Variants in CCDC171 observed in about 807,000 individuals in gnomAD.
The protein encoded by CCDC171 is coiled-coil domain-containing protein 171.
CCDC171 carries 177 observed loss-of-function variants against 168.2 expected under a neutral mutation model. The observed-to-expected ratio is 1.05, with a 90% CI of 0.93 to 1.19. The LOEUF (loss-of-function observed/expected upper bound fraction) is 1.19, where lower values mean the gene tolerates loss of function less well. CCDC171 is among the 50% of genes most tolerant of loss of function. CCDC171 has a pLI of 0.00. For missense variants in CCDC171, 1,991 were observed against 1,539.0 expected (o/e 1.29, Z -4.91); for synonymous variants, 687 against 540.8 (o/e 1.27, Z -3.75).
intron 21 of CCDC171, among the ~76,000 whole-genome samples, chr9:15,827,057 G>A (rs2060042338): frequency 1.3e-5 from 2 of 152,242 alleles, no homozygotes; most frequent in Admixed American, 1.3e-4. Flanking sequence ...AGGATGGATG[G>A]GCTATGAGCT....
intron 4 of CCDC171, among the ~76,000 whole-genome samples, chr9:15,586,570 C>T (rs1006912205): frequency 1.3e-5 from 2 of 152,098 alleles, no homozygotes; most frequent in Non-Finnish European, 2.9e-5. Context: ...ATGGGAGTAG[C>T]AGTAGTGAGT....
chr9:15,951,683 T>C lies in CCDC171; in HGVS notation c.3754-19926T>C, dbSNP rs73411555. On this transcript the variant is annotated intron_variant, in intron 25 of 25. Transcript: ENST00000380701. Reference sequence around the variant, plus strand: ...TGTTTGTTTTTTGGAGAATGTTGATTTAAGTCCTTTGCCCATTTTTTAAAT... The same window carrying C: ...TGTTTGTTTTTTGGAGAATGTTGATCTAAGTCCTTTGCCCATTTTTTAAAT... Among the ~76,000 whole-genome samples the C allele has an allele frequency of 5.2e-3, 798 of 152,268 alleles. 8 individuals are homozygous for C. The highest frequency in any genetic ancestry group is 0.018 in the African/African-American group (757 of 41,560).
At chr9:15,638,717 C>T (rs972571713) in intron 7 of CCDC171, among the ~76,000 whole-genome samples, 1 of 151,412 alleles carries the variant, frequency 6.6e-6, no homozygotes, top group South Asian at 2.1e-4. Context: ...AGCTTTATAT[C>T]ACTGTGTCTT....
chr9:16,031,049 G>A (rs1187819518), intron 6 of CCDC171, among the ~76,000 whole-genome samples: 1 of 152,202 alleles, frequency 6.6e-6, no homozygotes, highest in Non-Finnish European at 1.5e-5. Flanking sequence ...AAATCACTTA[G>A]AGACCTCACC....
chr9:15,702,500 T>G (rs1288203804), intron 11 of CCDC171, among the ~76,000 whole-genome samples: 1 of 152,060 alleles, frequency 6.6e-6, no homozygotes, highest in Non-Finnish European at 1.5e-5. Context: ...GCCCTAGGAT[T>G]TTTTCAATGG....
chr9:15,591,013 CT>C (rs1436958739), intron 4 of CCDC171, among the ~76,000 whole-genome samples: 2 of 152,008 alleles, frequency 1.3e-5, no homozygotes, highest in Non-Finnish European at 2.9e-5. Flanking sequence ...CCACACTCAG[CT>C]GGTTTGTTTT....
chr9:15,663,003 A>ACAACAACAACAACAACAT (rs1398558548), intron 8 of CCDC171, among the ~76,000 whole-genome samples: 2 of 152,026 alleles, frequency 1.3e-5, no homozygotes, highest in African/African-American at 4.8e-5. Context: ...AACAACAACA[A>ACAACAACAACAACAACAT]CAACAACAAC....
At chr9:15,932,274 C>T (rs899558054) in intron 25 of CCDC171, among the ~76,000 whole-genome samples, 10 of 151,750 alleles carry the variant, frequency 6.6e-5, no homozygotes, top group Admixed American at 2.0e-4. Context: ...TTTGTATCCT[C>T]TTCACTTTAT....
chr9:16,032,114 C>G (rs894652970), intron 6 of CCDC171, among the ~76,000 whole-genome samples: 2 of 152,144 alleles, frequency 1.3e-5, no homozygotes, highest in African/African-American at 4.8e-5. Flanking sequence ...TCAACCCACC[C>G]AAGTCCAAAC....
chr9:15,712,135 G>T (rs2052716859), intron 11 of CCDC171, among the ~76,000 whole-genome samples: 1 of 152,216 alleles, frequency 6.6e-6, no homozygotes, highest in Non-Finnish European at 1.5e-5. Context: ...TTCTTACTCA[G>T]GGTTTTATTC....
intron 6 of CCDC171, among the ~76,000 whole-genome samples, chr9:16,032,324 G>GA (rs1833376825): frequency 1.3e-5 from 2 of 152,024 alleles, no homozygotes; most frequent in Non-Finnish European, 1.5e-5. Flanking sequence ...ACACCTGAGG[G>GA]GAAAAAAAGA....
At chr9:15,631,054 C>A (rs1358902170) in intron 7 of CCDC171, among the ~76,000 whole-genome samples, 4 of 151,768 alleles carry the variant, frequency 2.6e-5, no homozygotes, top group African/African-American at 9.7e-5. Context: ...CACTAAATGC[C>A]CACAAGAGAA....
At chr9:15,993,093 A>T (rs528373253) in intron 3 of CCDC171, among the ~76,000 whole-genome samples, 1 of 152,246 alleles carries the variant, frequency 6.6e-6, no homozygotes, top group Admixed American at 6.5e-5. Context: ...GGAAAAAACT[A>T]CTTTAAAGTT....
intron 1 of CCDC171, among the ~76,000 whole-genome samples, chr9:16,057,439 T>A (rs890260272): frequency 6.6e-6 from 1 of 152,184 alleles, no homozygotes; most frequent in African/African-American, 2.4e-5. Flanking sequence ...AGGAAGTTTT[T>A]TTTGTTTGTT....
At chr9:15,729,953 A>G (rs915106967) in intron 16 of CCDC171, among the ~76,000 whole-genome samples, 155 bp downstream of exon 16, 2 of 152,046 alleles carry the variant, frequency 1.3e-5, no homozygotes, top group African/African-American at 4.8e-5. Context: ...AGATACACAC[A>G]CATACGTGTG....
chr9:16,033,072 G>A (rs1195733094), intron 6 of CCDC171, among the ~76,000 whole-genome samples: 1 of 152,166 alleles, frequency 6.6e-6, no homozygotes, highest in Non-Finnish European at 1.5e-5. Context: ...TCCTGGAAGA[G>A]GACTGAGGGA....
intron 24 of CCDC171, among the ~76,000 whole-genome samples, chr9:15,893,371 T>C (rs1416346991): frequency 1.3e-5 from 2 of 152,180 alleles, no homozygotes; most frequent in Non-Finnish European, 2.9e-5. Context: ...GACGTAGGCA[T>C]GGGTACAGAT....
At chr9:15,776,691 C>T (rs1279787699) in intron 18 of CCDC171, among the ~76,000 whole-genome samples, 1 of 152,020 alleles carries the variant, frequency 6.6e-6, no homozygotes, top group Non-Finnish European at 1.5e-5. Flanking sequence ...GGTTGATTAC[C>T]GTCTCAGTCA....
chr9:16,000,371 T>C (rs1297218780), intron 3 of CCDC171, among the ~76,000 whole-genome samples: 3 of 152,196 alleles, frequency 2.0e-5, no homozygotes, highest in Non-Finnish European at 4.4e-5. Flanking sequence ...GCAATGTGTG[T>C]CTCTTGAACT....
Sources: gnomAD v4.1 joint callset for allele counts (sites outside exome capture counted in the v4.1 genomes callset) on GRCh38, gnomAD v4.1.1 for gene constraint, MANE v1.5 for transcripts, NCBI Gene and HGNC (gene_info 2026-07-23, HGNC 2026-07-21) for gene names.